Variants in CLASP1 observed in about 807,000 individuals in gnomAD.
CLASP1 encodes the protein CLIP-associating protein 1.
A neutral mutation model predicts 192.3 loss-of-function variants in CLASP1; 38 were observed. The ratio of observed to expected loss-of-function variants is 0.20; its 90% CI spans 0.15 to 0.26. CLASP1 has a LOEUF of 0.26. Ranked by LOEUF, CLASP1 falls within the 10% of genes least tolerant of loss-of-function variation. The pLI, the probability that CLASP1 is intolerant of heterozygous loss-of-function variation, is 1.00. For synonymous variants in CLASP1, 691 were observed against 712.8 expected, an observed-to-expected ratio of 0.97 and a Z score of 0.49; for missense variants, 1,433 against 1,932.5, an observed-to-expected ratio of 0.74 and a Z score of 4.85.
At chr2:121,391,890 C>T (rs1352764203) in intron 30 of CLASP1, among the ~76,000 whole-genome samples, 3 of 152,136 alleles carry the variant, frequency 2.0e-5, no homozygotes, top group South Asian at 2.1e-4. Flanking sequence ...GCCAACAGAG[C>T]GAGACTGTCT....
At chr2:121,647,355 T>A (rs745956259) in intron 1 of CLASP1, among the ~76,000 whole-genome samples, 1 of 152,044 alleles carries the variant, frequency 6.6e-6, no homozygotes, top group African/African-American at 2.4e-5. Context: ...GCGACAAGAG[T>A]GAAACTCTGT....
chr2:121,482,495 G>A (rs2092671879), intron 8 of CLASP1, among the ~76,000 whole-genome samples: 1 of 152,166 alleles, frequency 6.6e-6, no homozygotes. Flanking sequence ...GATCAGTCTT[G>A]AAGAAGAGTA....
chr2:121,397,004 A>T, intron 30 of CLASP1, 136 bp downstream of exon 31: 1 of 759,610 alleles, frequency 1.3e-6, no homozygotes, highest in Admixed American at 2.7e-5. Flanking sequence ...AGAGCTGGAG[A>T]GAGAAAAGGG....
chr2:121,475,933 A>G (rs1483866243), intron 8 of CLASP1, among the ~76,000 whole-genome samples: 1 of 152,160 alleles, frequency 6.6e-6, no homozygotes, highest in African/African-American at 2.4e-5. Flanking sequence ...TTGATTCTTT[A>G]AAAATCACCT....
chr2:121,524,671 G>A (rs146837928), intron 6 of CLASP1, among the ~76,000 whole-genome samples: 1 of 152,200 alleles, frequency 6.6e-6, no homozygotes, highest in Non-Finnish European at 1.5e-5. Context: ...TGGTCTGGCT[G>A]GTCTCAAACT....
intron 1 of CLASP1, among the ~76,000 whole-genome samples, chr2:121,635,724 G>A (rs1443360905): frequency 6.6e-6 from 1 of 152,208 alleles, no homozygotes; most frequent in Non-Finnish European, 1.5e-5. Flanking sequence ...ATTTTCTAAT[G>A]CTGTTTATTT....
At position 121,648,654 on chromosome 2, in the gene CLASP1, G is replaced by A. The variant is rs190625121; in HGVS notation, c.-286+718C>T. 2.6e-5 allele frequency among the ~76,000 whole-genome samples: 4 copies of A among 152,318 alleles called. No homozygotes were observed. In the East Asian group the frequency reaches 7.7e-4, roughly 29 times the overall value. On this transcript the variant is annotated intron_variant, in intron 1 of 39. Coordinates refer to ENST00000263710, the Ensembl canonical transcript of CLASP1. ...TGTACCTAGCCAGGCTAACGTGCAA[G>A]ATCACACACTCATCTTCGTCAGAGC...
In CLASP1 at chr2:121,562,349, T is replaced by C. The variant is rs147281814; in HGVS notation, c.196-32024A>G. 7.2e-5 allele frequency among the ~76,000 whole-genome samples: 11 copies of C among 152,356 alleles called. No homozygotes were observed. In the East Asian group the frequency reaches 2.1e-3, roughly 29 times the overall value. On this transcript the variant is annotated intron_variant, in intron 2 of 39. Transcript: ENST00000263710. ...TCAGAGGACTTGGGGAACTGACTTA[T>C]AGAAAATGCTCAGCACGTGGCCTAG...
At chr2:121,611,916 G>A (rs182199144) in intron 1 of CLASP1, among the ~76,000 whole-genome samples, 1 of 150,910 alleles carries the variant, frequency 6.6e-6, no homozygotes, top group East Asian at 2.0e-4. Flanking sequence ...AGGAACTGGA[G>A]GTTGATGACG....
rs2064368289 is a variant in CLASP1, at chr2:121,605,962, G to A, written c.-67C>T. On this transcript the variant is annotated 5_prime_UTR_variant, in exon 2 of 40. The change creates a new upstream start codon in the 5' untranslated region. Coordinates refer to ENST00000263710, the Ensembl canonical transcript of CLASP1. ...TCACGATGACTCCCTCCCAGCAGAC[G>A]TATCTGGGAGGTTGCCTCTTTGTTC... The A allele has an allele frequency of 5.6e-6, 8 of 1,421,482 alleles. No homozygotes were observed. Among genetic ancestry groups the A allele is most frequent in the African/African-American group, 2.8e-5 (2 of 70,684 alleles). 88.1% of individuals were successfully genotyped at this position (1,421,482 alleles called of 1,614,324 possible).
chr2:121,458,996 T>C (rs1319014869), intron 12 of CLASP1, 21 bp from the exon 13 acceptor site: 34 of 1,561,590 alleles, frequency 2.2e-5, no homozygotes, highest in Non-Finnish European at 2.9e-5. Flanking sequence ...AAAAGGATAC[T>C]GGACTATAGT....
intron 1 of CLASP1, among the ~76,000 whole-genome samples, chr2:121,616,318 G>C (rs1289947271): frequency 2.0e-5 from 3 of 151,972 alleles, no homozygotes; most frequent in Non-Finnish European, 4.4e-5. Context: ...ATGGTGGCAG[G>C]CGCCTGTAAT....
chr2:121,403,974 C>T (rs912885698), intron 26 of CLASP1, among the ~76,000 whole-genome samples: 3 of 152,090 alleles, frequency 2.0e-5, no homozygotes, highest in Non-Finnish European at 4.4e-5. Flanking sequence ...ATATTCTACA[C>T]GGGATACAAA....
At chr2:121,525,959 G>A (rs116033006) in intron 5 of CLASP1, 39 bp from the exon 6 acceptor site, 22,295 of 1,492,904 alleles carry the variant, frequency 0.015, 230 homozygotes, top group Non-Finnish European at 0.018. Context: ...AGTGAGAACT[G>A]AGGAAAGAAA....
At chr2:121,481,529 G>GA (rs1401471901) in intron 8 of CLASP1, among the ~76,000 whole-genome samples, 16 of 152,104 alleles carry the variant, frequency 1.1e-4, no homozygotes, top group African/African-American at 3.9e-4. Context: ...GTAAGCAAAA[G>GA]AAAAAAGCTC....
At chr2:121,578,269 C>CA (rs1399461358) in intron 2 of CLASP1, among the ~76,000 whole-genome samples, 13 of 151,762 alleles carry the variant, frequency 8.6e-5, no homozygotes, top group African/African-American at 3.1e-4. Context: ...AACAAAGAAA[C>CA]AAACAAACAA....
At chr2:121,401,427 C>T in intron 28 of CLASP1, 82 bp downstream of exon 29, 1 of 1,085,664 alleles carries the variant, frequency 9.2e-7, no homozygotes, top group Non-Finnish European at 1.3e-6. Flanking sequence ...TGACAAAGGC[C>T]ATGGGTAACA....
intron 1 of CLASP1, among the ~76,000 whole-genome samples, chr2:121,629,419 T>A (rs2069049141): frequency 6.6e-6 from 1 of 151,264 alleles, no homozygotes. Flanking sequence ...AAAAAATAAA[T>A]AAATAAATCT....
intron 6 of CLASP1, among the ~76,000 whole-genome samples, chr2:121,520,845 A>G (rs2094441298): frequency 6.6e-6 from 1 of 151,992 alleles, no homozygotes; most frequent in Admixed American, 6.6e-5. Context: ...TGAAATCCCC[A>G]CCTCCAGGAA....
Sources: gnomAD v4.1 joint callset for allele counts (sites outside exome capture counted in the v4.1 genomes callset) on GRCh38, gnomAD v4.1.1 for gene constraint, MANE v1.5 for transcripts, NCBI Gene and HGNC (gene_info 2026-07-23, HGNC 2026-07-21) for gene names.